Variants in PDE11A observed in about 807,000 individuals in gnomAD.
PDE11A encodes the protein dual 3',5'-cyclic-AMP and -GMP phosphodiesterase 11A.
Under a neutral mutation model 100.5 loss-of-function variants are expected in PDE11A, and 100 were observed. The ratio of observed to expected loss-of-function variants is 1.00; its 90% CI spans 0.85 to 1.18. The LOEUF (loss-of-function observed/expected upper bound fraction) is 1.18, where lower values mean the gene tolerates loss of function less well. Among genes scored for constraint, PDE11A ranks in the 50% most tolerant of loss-of-function variants. The pLI is 0.00. For synonymous variants in PDE11A, 381 were observed against 420.8 expected (o/e 0.91, Z 1.16); for missense variants, 1,141 against 1,152.6 (o/e 0.99, Z 0.15).
At chr2:177,771,301 T>C (rs1257216576) in intron 9 of PDE11A, among the ~76,000 whole-genome samples, 1 of 152,244 alleles carries the variant, frequency 6.6e-6, no homozygotes, top group Non-Finnish European at 1.5e-5. Context: ...CAGAACTCCC[T>C]TTTAGGTAAC....
chr2:177,900,846 A>C (rs533486855), intron 3 of PDE11A, among the ~76,000 whole-genome samples: 1 of 152,224 alleles, frequency 6.6e-6, no homozygotes, highest in Non-Finnish European at 1.5e-5. Flanking sequence ...CAATTGAAAG[A>C]GGACCAAATA....
At chr2:177,847,336 A>G (rs2083617533) in intron 5 of PDE11A, among the ~76,000 whole-genome samples, 1 of 152,172 alleles carries the variant, frequency 6.6e-6, no homozygotes, top group African/African-American at 2.4e-5. Context: ...ATATTAACCA[A>G]CTTTCTTGAG....
At chr2:177,986,321 C>T (rs531033553) in intron 2 of PDE11A, among the ~76,000 whole-genome samples, 11 of 152,218 alleles carry the variant, frequency 7.2e-5, no homozygotes, top group African/African-American at 1.9e-4. Context: ...CTAGAGAAGC[C>T]GAGGACAAAC....
chr2:177,727,610 G>T, intron 12 of PDE11A, 48 bp downstream of exon 12: 2 of 1,094,374 alleles, frequency 1.8e-6, no homozygotes, highest in Non-Finnish European at 2.8e-6. Flanking sequence ...AGGCCTGCCA[G>T]TTCCTACGAA....
At chr2:177,928,315 G>A (rs1171257571) in intron 2 of PDE11A, among the ~76,000 whole-genome samples, 1 of 152,144 alleles carries the variant, frequency 6.6e-6, no homozygotes, top group Non-Finnish European at 1.5e-5. Flanking sequence ...GGGCCACAAA[G>A]TGAGACCCCA....
intron 19 of PDE11A, among the ~76,000 whole-genome samples, chr2:177,640,725 CT>C (rs2080129110): frequency 1.3e-5 from 2 of 152,230 alleles, no homozygotes; most frequent in South Asian, 2.1e-4. Context: ...CAGCCTTCTA[CT>C]TTTTTATGGG....
intron 10 of PDE11A, among the ~76,000 whole-genome samples, chr2:177,728,382 C>CG (rs56181443): frequency 0.26 from 17,787 of 68,958 alleles, 1,136 homozygotes; most frequent in Non-Finnish European, 0.28. Flanking sequence ...GGGTTGGGGG[C>CG]GGGGGGAGGG....
intron 1 of PDE11A, chr2:178,018,466 C>A (rs7422960): frequency 0.046 from 22,775 of 500,272 alleles, 735 homozygotes; most frequent in African/African-American, 0.091. Flanking sequence ...GAAGCTCTGA[C>A]CTTTTAGACT....
chr2:177,844,251 G>A (rs1324245690), intron 5 of PDE11A, among the ~76,000 whole-genome samples: 1 of 152,170 alleles, frequency 6.6e-6, no homozygotes, highest in African/African-American at 2.4e-5. Flanking sequence ...AGTATCTAGT[G>A]CCTTCTTGCT....
chr2:178,081,456 G>T (rs534622546), intron 2 of PDE11A, among the ~76,000 whole-genome samples: 1 of 152,180 alleles, frequency 6.6e-6, no homozygotes, highest in South Asian at 2.1e-4. Context: ...ATAAGGTAAA[G>T]AATTTGGTTA....
chr2:177,698,800 G>A (rs1425185012), intron 14 of PDE11A, among the ~76,000 whole-genome samples: 10 of 152,152 alleles, frequency 6.6e-5, no homozygotes, highest in African/African-American at 1.7e-4. Context: ...GACAAATAAC[G>A]AAAGGAATGC....
chr2:177,943,886 T>G (rs1050069793), intron 2 of PDE11A, among the ~76,000 whole-genome samples: 17 of 152,342 alleles, frequency 1.1e-4, no homozygotes, highest in African/African-American at 4.1e-4. Context: ...TAATCCATTT[T>G]GGGTTAAGTT....
chr2:177,874,592 C>T (rs895975934), intron 5 of PDE11A, among the ~76,000 whole-genome samples: 6 of 152,132 alleles, frequency 3.9e-5, no homozygotes, highest in African/African-American at 1.4e-4. Context: ...CTGTTATAGC[C>T]TCAAAGATGC....
chr2:177,721,609 A>T (rs1409557611), intron 12 of PDE11A, among the ~76,000 whole-genome samples: 1 of 152,102 alleles, frequency 6.6e-6, no homozygotes, highest in African/African-American at 2.4e-5. Context: ...CCCTAACAAT[A>T]TTTGTGCTTT....
intron 3 of PDE11A, among the ~76,000 whole-genome samples, chr2:177,902,554 T>A (rs1422903989): frequency 6.6e-6 from 1 of 152,242 alleles, no homozygotes; most frequent in Non-Finnish European, 1.5e-5. Flanking sequence ...ATTTTGTCCC[T>A]CCTTCTAGTG....
upstream of PDE11A, among the ~76,000 whole-genome samples, chr2:178,074,007 T>C (rs1346683456): frequency 6.6e-5 from 10 of 151,902 alleles, no homozygotes; most frequent in Admixed American, 5.2e-4. Flanking sequence ...ACAAATAAAA[T>C]GTGATAACTC....
chr2:178,002,018 G>T (rs1178900178), intron 2 of PDE11A, among the ~76,000 whole-genome samples: 2 of 151,928 alleles, frequency 1.3e-5, no homozygotes, highest in Non-Finnish European at 2.9e-5. Flanking sequence ...CATCACCTAG[G>T]TACTGAGCAT....
In PDE11A at chr2:178,082,187, T is replaced by C. The variant is rs1265946608; in HGVS notation, c.162+22115A>G. 2.6e-5 allele frequency among the ~76,000 whole-genome samples: 4 copies of C among 152,326 alleles called. No individual in the cohort carries two copies. The South Asian group carries it at 6.2e-4, about 24-fold the overall frequency. On this transcript the variant is annotated intron_variant, in intron 2 of 20. Transcript: ENST00000358450. Reference sequence around the variant, plus strand: ...GAATTGTGAGTATTAAATGAGTTAATATGGATACAGCACTTAGAACAGTAT... The same window carrying C: ...GAATTGTGAGTATTAAATGAGTTAACATGGATACAGCACTTAGAACAGTAT...
intron 10 of PDE11A, among the ~76,000 whole-genome samples, chr2:177,745,727 C>T (rs746465171): frequency 6.6e-6 from 1 of 152,208 alleles, no homozygotes; most frequent in Non-Finnish European, 1.5e-5. Context: ...CCCAGTGGTC[C>T]TTCTTGGCAG....
Sources: allele counts gnomAD v4.1 joint callset (sites outside exome capture counted in the v4.1 genomes callset), GRCh38; gene constraint gnomAD v4.1.1; transcripts MANE v1.5; gene names NCBI Gene and HGNC (gene_info 2026-07-23, HGNC 2026-07-21).